Variants in BLTP1 observed in about 807,000 individuals in gnomAD.
BLTP1 encodes the protein fragile site-associated protein.
chr4:122,172,348 A>G, the BLTP1 span: 15 of 716,608 alleles, frequency 2.1e-5, no homozygotes, highest in East Asian at 4.0e-4. Context: ...TATCAAAACA[A>G]TGTTTTCCTG....
the BLTP1 span, chr4:122,215,294 G>A: frequency 1.1e-6 from 1 of 871,936 alleles, no homozygotes; most frequent in South Asian, 5.3e-5. Context: ...TCTTTTTACT[G>A]TAATAATCTA....
chr4:122,266,417 G>GT, the BLTP1 span, among the ~76,000 whole-genome samples: 11 of 150,862 alleles, frequency 7.3e-5, no homozygotes, highest in East Asian at 5.8e-4. Flanking sequence ...TGTAATATAT[G>GT]TTTTTTTTTG....
the BLTP1 span, among the ~76,000 whole-genome samples, chr4:122,215,885 T>C: frequency 6.6e-6 from 1 of 151,998 alleles, no homozygotes; most frequent in Non-Finnish European, 1.5e-5. Flanking sequence ...ATCATTCTTA[T>C]GCCTTTGTGA....
the BLTP1 span, chr4:122,212,001 TCGGCAGA>T: frequency 2.1e-6 from 2 of 949,706 alleles, no homozygotes; most frequent in Middle Eastern, 5.4e-4. Flanking sequence ...TTTTACAGGA[TCGGCAGA>T]TTCACTTTGG....
At chr4:122,233,819 CTTG>C in the BLTP1 span, among the ~76,000 whole-genome samples, 1 of 152,016 alleles carries the variant, frequency 6.6e-6, no homozygotes, top group Non-Finnish European at 1.5e-5. Flanking sequence ...TTATTATTTT[CTTG>C]TTTATTGTTT....
chr4:122,211,065 A>G, the BLTP1 span: 2 of 1,612,856 alleles, frequency 1.2e-6, no homozygotes, highest in Non-Finnish European at 1.7e-6. Flanking sequence ...CTCTCTATGG[A>G]CCTCTACTAA....
chr4:122,241,965 C>T, the BLTP1 span, among the ~76,000 whole-genome samples: 3 of 151,648 alleles, frequency 2.0e-5, no homozygotes, highest in African/African-American at 7.3e-5. Flanking sequence ...GTCAGAAAGA[C>T]AAAAAAATGA....
At chr4:122,255,063 G>A in the BLTP1 span, 20 of 1,518,840 alleles carry the variant, frequency 1.3e-5, no homozygotes, top group Non-Finnish European at 1.7e-5. Flanking sequence ...CTTAATTACT[G>A]AATGTCTTTT....
At chr4:122,196,156 C>A in the BLTP1 span, among the ~76,000 whole-genome samples, 1 of 152,142 alleles carries the variant, frequency 6.6e-6, no homozygotes, top group African/African-American at 2.4e-5. Flanking sequence ...ATAGAAATAG[C>A]CAATTCTTCC....
At chr4:122,194,017 T>C in the BLTP1 span, among the ~76,000 whole-genome samples, 27 of 151,834 alleles carry the variant, frequency 1.8e-4, no homozygotes, top group African/African-American at 6.5e-4. Flanking sequence ...CGCCCGCCAC[T>C]ACGCCCGGCT....
the BLTP1 span, chr4:122,325,843 AT>A: frequency 9.4e-7 from 1 of 1,065,598 alleles, no homozygotes; most frequent in Non-Finnish European, 1.2e-6. Context: ...TTTTCTCATT[AT>A]TTTAATTAAG....
chr4:122,217,288 G>A, the BLTP1 span, among the ~76,000 whole-genome samples: 2 of 151,978 alleles, frequency 1.3e-5, no homozygotes, highest in South Asian at 4.2e-4. Flanking sequence ...CGGGTAATGT[G>A]ATGCCTCCAG....
chr4:122,167,577 C>T, the BLTP1 span: 1 of 760,420 alleles, frequency 1.3e-6, no homozygotes, highest in African/African-American at 1.9e-5. Flanking sequence ...CCCTACTGGC[C>T]ATGGATGTTC....
At chr4:122,325,059 C>A in the BLTP1 span, 1 of 273,634 alleles carries the variant, frequency 3.7e-6, no homozygotes, top group Non-Finnish European at 5.6e-6. Flanking sequence ...TTGAGTTAAC[C>A]AAAACATTGA....
chr4:122,285,884 A>C, the BLTP1 span, among the ~76,000 whole-genome samples: 1 of 152,234 alleles, frequency 6.6e-6, no homozygotes, highest in African/African-American at 2.4e-5. Context: ...TATGGACTGA[A>C]TAATAGTAAA....
At chr4:122,207,831 T>C in the BLTP1 span, 3 of 930,352 alleles carry the variant, frequency 3.2e-6, no homozygotes, top group Non-Finnish European at 2.6e-6. Flanking sequence ...ATCTAAGAAA[T>C]TGGTCAATTA....
the BLTP1 span, chr4:122,362,404 T>C: frequency 1.7e-6 from 1 of 593,072 alleles, no homozygotes; most frequent in African/African-American, 1.9e-5. Context: ...GTTCCATCAT[T>C]CTGTGTACAG....
the BLTP1 span, chr4:122,337,151 G>T: frequency 2.5e-6 from 2 of 791,098 alleles, no homozygotes; most frequent in South Asian, 3.3e-5. Flanking sequence ...GTATGTTTGT[G>T]ATGGCTTGGA....
At chr4:122,168,158 GC>G in the BLTP1 span, among the ~76,000 whole-genome samples, 2 of 152,044 alleles carry the variant, frequency 1.3e-5, no homozygotes, top group African/African-American at 2.4e-5. Flanking sequence ...TCTCTTAAAG[GC>G]TTTGCATTAA....
Sources: gnomAD v4.1 joint callset for allele counts (sites outside exome capture counted in the v4.1 genomes callset) on GRCh38, gnomAD v4.1.1 for gene constraint, MANE v1.5 for transcripts, NCBI Gene and HGNC (gene_info 2026-07-23, HGNC 2026-07-21) for gene names.